NLRC3: variants seen among roughly 807,000 people sequenced by gnomAD.
NLRC3 encodes NLR family CARD domain-containing protein 3.
A neutral mutation model predicts 91.6 loss-of-function variants in NLRC3; 87 were observed. The observed-to-expected ratio is 0.95, with a 90% confidence interval of 0.80 to 1.14. The LOEUF (loss-of-function observed/expected upper bound fraction) is 1.14. Ranked by LOEUF, NLRC3 falls within the 50% of genes most tolerant of loss-of-function variation. The pLI, the probability that NLRC3 is intolerant of heterozygous loss-of-function variation, is 0.00. For missense variants in NLRC3, 1,577 were observed against 1,418.6 expected (o/e 1.11, Z -1.79); for synonymous variants, 694 against 625.3 (o/e 1.11, Z -1.64).
intron 8 of NLRC3, among the ~76,000 whole-genome samples, chr16:3,556,675 T>C (rs955678579): frequency 9.9e-5 from 15 of 152,178 alleles, no homozygotes; most frequent in African/African-American, 3.6e-4. Context: ...AGCTAATTTT[T>C]GTTTTTTAGT....
Position 3,563,880 on chromosome 16 carries a change from C to G in NLRC3, c.1057G>C (p.Glu353Gln), listed in dbSNP as rs773639329. Residue 353 changes from glutamate to glutamine, a missense_variant, in exon 5 of 20, where the codon GAG becomes CAG. Glu to Gln is a conservative substitution (Grantham distance 29). Transcript: ENST00000359128. ...WRSRTGPQDA[E>Q]LWPPRTLCEL... ...CACAGGGTCCTCGGGGGCCACAGCT[C>G]TGCATCCTGGGGCCCCGTCCTGCTG... 4 of 1,601,568 alleles carry G rather than the reference C, an allele frequency of 2.5e-6. No individual in the cohort carries two copies. The highest frequency in any genetic ancestry group is 2.2e-5 in the East Asian group (1 of 44,762).
intron 1 of NLRC3, among the ~76,000 whole-genome samples, chr16:3,576,788 G>C (rs113453390): frequency 5.3e-5 from 8 of 152,162 alleles, no homozygotes; most frequent in African/African-American, 1.9e-4. Flanking sequence ...TCAGCCTCCC[G>C]ACTAGCTGGG....
intron 5 of NLRC3, chr16:3,562,785 A>G (rs1318998406): frequency 6.2e-6 from 4 of 644,746 alleles, no homozygotes; most frequent in Admixed American, 4.6e-5. Flanking sequence ...AACCTCTCCT[A>G]TATGTTTCAG....
intron 8 of NLRC3, among the ~76,000 whole-genome samples, chr16:3,555,558 T>A (rs1567135275): frequency 6.6e-6 from 1 of 152,054 alleles, no homozygotes; most frequent in Non-Finnish European, 1.5e-5. Context: ...GCCACTGAAC[T>A]GTACACTTTA....
In NLRC3 at chr16:3,564,800, G is replaced by C. The variant is rs781425165; in HGVS notation, c.179-42C>G. 4 of 1,568,260 alleles carry C rather than the reference G, an allele frequency of 2.6e-6. No individual in the cohort carries two copies. The Admixed American group carries it at 5.2e-5, about 20-fold the overall frequency. ...AGTGGGGAGGTCTGGTAAGGGAAGA[G>C]TGGGCACAATCAGCCCAGGTGTTCC... On this transcript the variant is annotated intron_variant, in intron 4 of 19. Transcript: ENST00000359128. The surrounding 1 kb of genome is among the most constrained non-coding windows in gnomAD (Gnocchi z 5.9).
At chr16:3,569,382 ATATATATATATATTATT>A (rs1297696187) in intron 1 of NLRC3, among the ~76,000 whole-genome samples, 1 of 105,038 alleles carries the variant, frequency 9.5e-6, no homozygotes, top group African/African-American at 4.3e-5. Context: ...ATATATATAT[ATATATATATATATTATT>A]TTTTTTTTTT....
In NLRC3 at chr16:3,544,245, C is replaced by A. The variant is rs76134580; in HGVS notation, c.2855+1G>T. ...GACTGCTGCGCACATCTAGGACTTA[C>A]TAGAGAGCAGTGAGGGCTGTGTTGA... On this transcript the variant is annotated splice_donor_variant, in intron 16 of 19. Coordinates refer to ENST00000359128, the MANE Select transcript of NLRC3 (RefSeq NM_178844.4). LOFTEE classifies it high-confidence loss of function. 3.4e-5 allele frequency: 54 copies of A among 1,591,866 alleles called. No homozygotes were observed. Among genetic ancestry groups the A allele is most frequent in the Non-Finnish European group, 9.5e-6 (11 of 1,160,058 alleles).
chr16:3,563,880 C>T lies in NLRC3; in HGVS notation c.1057G>A (p.Glu353Lys), dbSNP rs773639329. The T allele has an allele frequency of 4.8e-5, 77 of 1,601,450 alleles. No individual in the cohort carries two copies. Among genetic ancestry groups the T allele is most frequent in the Middle Eastern group, 1.7e-4 (1 of 6,010 alleles). Residue 353 changes from glutamate (E) to lysine (K), a missense_variant, in exon 5 of 20, where the codon GAG becomes AAG. Glu to Lys is a moderately conservative substitution (Grantham distance 56). Transcript: ENST00000359128. ...CACAGGGTCCTCGGGGGCCACAGCTCTGCATCCTGGGGCCCCGTCCTGCTG... is the reference window on the plus strand; with the variant it reads ...CACAGGGTCCTCGGGGGCCACAGCTTTGCATCCTGGGGCCCCGTCCTGCTG... ...WRSRTGPQDA[E>K]LWPPRTLCEL...
chr16:3,550,444 A>G lies in NLRC3; in HGVS notation c.2405T>C (p.Leu802Pro). 1 of 1,613,332 alleles carries G rather than the reference A, an allele frequency of 6.2e-7. No homozygotes were observed. Among genetic ancestry groups the G allele is most frequent in the Non-Finnish European group, 8.5e-7 (1 of 1,179,260 alleles). ...GCTCTCCAGGCCCTGGTTCACCTTC[A>G]GGGCCTCAGCCAGGGCCTTGGCACC... Reference protein sequence around the residue: ...DGGAKALAEALKVNQGLESLD... With the variant: ...DGGAKALAEAPKVNQGLESLD... Residue 802 changes from leucine (L) to proline (P), a missense_variant, in exon 11 of 20, where the codon CTG (leucine) becomes CCG (proline). Transcript: ENST00000359128.
At chr16:3,542,839 G>T in intron 17 of NLRC3, 64 bp from the exon 18 acceptor site, 2 of 1,162,958 alleles carry the variant, frequency 1.7e-6, no homozygotes, top group Non-Finnish European at 2.5e-6. Context: ...TGACCCCTCT[G>T]CGGGTGGGCT....
chr16:3,566,790 C>T (rs1402413125), intron 2 of NLRC3, among the ~76,000 whole-genome samples: 1 of 151,806 alleles, frequency 6.6e-6, no homozygotes, highest in East Asian at 1.9e-4. Context: ...ACTCAGGAGG[C>T]TGAGGCAGGA....
Position 3,563,093 on chromosome 16 carries a change from G to A in NLRC3, c.1844C>T (p.Ala615Val), listed in dbSNP as rs1170806744. Residue 615 changes from alanine (A) to valine (V), a missense_variant, in exon 5 of 20, where the codon GCC becomes GTC. Physicochemically the swap from Ala to Val is moderately conservative, Grantham distance 64. Transcript: ENST00000359128. ...GCTCAGGGACAGGTTGGCCTCCTGG[G>A]CACAGGCGTCGGACACCTGCAGGAG... ...AYLLQVSDAC[A>V]QEANLSLSLS... is the part of the protein sequence containing the mutation. The A allele has an allele frequency of 1.9e-6, 3 of 1,573,806 alleles. No individual in the cohort carries two copies. The highest frequency in any genetic ancestry group is 1.3e-5 in the African/African-American group (1 of 74,282).
chr16:3,552,661 G>C (rs2039077045), intron 9 of NLRC3, among the ~76,000 whole-genome samples: 1 of 152,008 alleles, frequency 6.6e-6, no homozygotes, highest in South Asian at 2.1e-4. Flanking sequence ...CTCCCTAGGG[G>C]CCAGGTACGG....
rs377259434 is a variant in NLRC3 at position 3,576,960 on chromosome 16, G to A, written c.-169+189C>T. The stretch of plus-strand genomic sequence containing the variant: ...GTTGGGATTACAGGCGTGAGCCACC[G>A]TGCCTGGCCACATCTCTTTTTTCTA... On this transcript the variant is annotated intron_variant, in intron 1 of 19. Coordinates refer to ENST00000359128, the MANE Select transcript of NLRC3 (RefSeq NM_178844.4). 2.6e-4 allele frequency among the ~76,000 whole-genome samples: 39 copies of A among 152,266 alleles called. No homozygotes were observed. In the South Asian group the frequency reaches 7.0e-3, roughly 28 times the overall value.
Position 3,552,226 on chromosome 16 carries a change from A to G in NLRC3, c.2321T>C (p.Leu774Ser). The G allele has an allele frequency of 6.2e-7, 1 of 1,613,176 alleles. No homozygotes were observed. The highest frequency in any genetic ancestry group is 8.5e-7 in the Non-Finnish European group (1 of 1,179,168). ...PMGAQRMADA[L>S]KQNRSLKELM... is the part of the protein sequence containing the mutation. ...CTCTTTCAGACTCCTGTTCTGCTTC[A>G]AGGCATCTGCCATCCGCTGGGCTCC... Residue 774 changes from leucine (L) to serine (S), a missense_variant, in exon 10 of 20, where the codon TTG (leucine) becomes TCG (serine). Coordinates refer to ENST00000359128, the MANE Select transcript of NLRC3 (RefSeq NM_178844.4).
rs200352220 is a variant in NLRC3 at position 3,544,229 on chromosome 16, G to A, written c.2855+17C>T. 961 of 1,489,892 alleles carry A rather than the reference G, an allele frequency of 6.5e-4. 3 individuals carry two copies. Among genetic ancestry groups the A allele is most frequent in the Non-Finnish European group, 7.4e-4 (785 of 1,067,234 alleles). 92.3% of individuals were successfully genotyped at this position (1,489,892 alleles called of 1,614,324 possible). A position where few individuals can be genotyped will look rare whatever the true frequency, so the allele number is the denominator to read the frequency against. ...AAGGGACCGGTTTCCTGACTGCTGC[G>A]CACATCTAGGACTTACTAGAGAGCA... On this transcript the variant is annotated intron_variant, in intron 16 of 19. Transcript: ENST00000359128.
Position 3,563,337 on chromosome 16 carries a change from G to A in NLRC3, c.1600C>T (p.Leu534=). 2 of 1,593,360 alleles carry A rather than the reference G, an allele frequency of 1.3e-6. No homozygotes were observed. Among genetic ancestry groups the A allele is most frequent in the Non-Finnish European group, 8.5e-7 (1 of 1,171,096 alleles). ...RVNALLAGSL[L]AQGEHQAYRT... is the part of the protein sequence containing the mutation. ...TAGGCCTGGTGCTCGCCTTGGGCCA[G>A]CAGGGAGCCGGCCAGGAGGGCATTG... The change falls in exon 5 of 20, where the codon CTG becomes TTG. Residue 534 remains leucine, a synonymous_variant. Coordinates refer to ENST00000359128, the MANE Select transcript of NLRC3 (RefSeq NM_178844.4).
In NLRC3 at chr16:3,563,020, G is replaced by A; in HGVS notation, c.1917C>T (p.Cys639=). 1 of 1,553,344 alleles carries A rather than the reference G, an allele frequency of 6.4e-7. No homozygotes were observed. Among genetic ancestry groups the A allele is most frequent in the Non-Finnish European group, 8.7e-7 (1 of 1,149,060 alleles). ...LQSLLPQLLY[C]RKLRLDTNQF... ...GCCCTGGTATCCACCTGAGCTTCCGGCAGTAGAGCAGCTGGGGCAGCAGGC... is the reference window on the plus strand; with the variant it reads ...GCCCTGGTATCCACCTGAGCTTCCGACAGTAGAGCAGCTGGGGCAGCAGGC... The change falls in exon 5 of 20, where the codon TGC becomes TGT. Residue 639 remains cysteine, a synonymous_variant. Coordinates refer to ENST00000359128, the MANE Select transcript of NLRC3 (RefSeq NM_178844.4).
At chr16:3,559,619 TCTTTTA>T (rs892807554) in intron 6 of NLRC3, among the ~76,000 whole-genome samples, 9 of 151,754 alleles carry the variant, frequency 5.9e-5, no homozygotes, top group African/African-American at 1.7e-4. Flanking sequence ...GAATTGTCAT[TCTTTTA>T]CTTTTCTTTT....
Sources: gnomAD v4.1 joint callset for allele counts (sites outside exome capture counted in the v4.1 genomes callset) on GRCh38, gnomAD v4.1.1 for gene constraint, Gnocchi (gnomAD v3.1) non-coding constraint, MANE v1.5 for transcripts, NCBI Gene and HGNC (gene_info 2026-07-23, HGNC 2026-07-21) for gene names.